NOVA1: variants seen among roughly 807,000 people sequenced by gnomAD.
NOVA1 encodes the protein NOVA alternative splicing regulator 1, also known as RNA-binding protein Nova-1.
A neutral mutation model predicts 38.0 loss-of-function variants in NOVA1; 7 were observed. The observed-to-expected ratio is 0.18, with a 90% confidence interval of 0.10 to 0.35. NOVA1 has a LOEUF of 0.35. Among genes scored for constraint, NOVA1 ranks in the 10% least tolerant of loss-of-function variants. NOVA1 has a pLI of 1.00. For missense variants in NOVA1, 460 were observed against 616.0 expected (o/e 0.75, Z 2.68); for synonymous variants, 270 against 232.5 (o/e 1.16, Z -1.47).
At chr14:26,508,240 G>T (rs1887790733) in intron 2 of NOVA1, among the ~76,000 whole-genome samples, 1 of 151,878 alleles carries the variant, frequency 6.6e-6, no homozygotes, top group South Asian at 2.1e-4. Flanking sequence ...TAACATTTTT[G>T]ATTTTTTAGA....
intron 2 of NOVA1, among the ~76,000 whole-genome samples, chr14:26,579,743 A>T (rs1468942264): frequency 1.3e-5 from 2 of 152,124 alleles, no homozygotes; most frequent in African/African-American, 2.4e-5. Context: ...GGAAAGGAAT[A>T]AAAAAAGTGG....
chr14:26,579,571 A>G (rs1566555446), intron 2 of NOVA1, among the ~76,000 whole-genome samples: 1 of 152,204 alleles, frequency 6.6e-6, no homozygotes, highest in Non-Finnish European at 1.5e-5. Context: ...TAAAATATTT[A>G]GTATGTAAGT....
chr14:26,534,084 G>A (rs902329424), intron 2 of NOVA1, among the ~76,000 whole-genome samples: 1 of 152,088 alleles, frequency 6.6e-6, no homozygotes, highest in Admixed American at 6.6e-5. Flanking sequence ...CTAATAACTA[G>A]CATAACTCTG....
chr14:26,518,032 ATC>A (rs1320808325), intron 2 of NOVA1, among the ~76,000 whole-genome samples: 1 of 152,170 alleles, frequency 6.6e-6, no homozygotes, highest in African/African-American at 2.4e-5. Flanking sequence ...CCAAATTTTA[ATC>A]TCTATCATAA....
intron 2 of NOVA1, among the ~76,000 whole-genome samples, chr14:26,502,716 ACAAT>A: frequency 6.6e-6 from 1 of 152,048 alleles, no homozygotes; most frequent in South Asian, 2.1e-4. Flanking sequence ...TCAAACATAA[ACAAT>A]TGGATTTTGT....
chr14:26,517,973 T>C (rs1594449722), intron 2 of NOVA1, among the ~76,000 whole-genome samples: 1 of 152,266 alleles, frequency 6.6e-6, no homozygotes, highest in East Asian at 1.9e-4. Context: ...AAACACCAAC[T>C]ATTCTGATGA....
At chr14:26,457,608 G>A (rs569650760) in intron 4 of NOVA1, among the ~76,000 whole-genome samples, 12 of 152,238 alleles carry the variant, frequency 7.9e-5, no homozygotes, top group Non-Finnish European at 1.6e-4. Context: ...ATTGTGTACA[G>A]TACATAAAAC....
chr14:26,468,884 AG>A (rs1884362286), intron 4 of NOVA1, among the ~76,000 whole-genome samples: 2 of 152,298 alleles, frequency 1.3e-5, no homozygotes, highest in Admixed American at 1.3e-4. Flanking sequence ...ATGAAATTTC[AG>A]AAAAATTCCA....
chr14:26,595,358 C>A (rs1894121920), intron 2 of NOVA1, 52 bp downstream of exon 2: 2 of 1,560,428 alleles, frequency 1.3e-6, no homozygotes, highest in East Asian at 4.5e-5. Context: ...ACAAGTAGAT[C>A]TTTCTTTCCT....
chr14:26,478,477 G>C (rs1185136133), intron 3 of NOVA1, among the ~76,000 whole-genome samples: 2 of 151,922 alleles, frequency 1.3e-5, no homozygotes, highest in African/African-American at 2.4e-5. Context: ...GATTAAGGCA[G>C]AAAGCCAATA....
chr14:26,458,326 G>A (rs1883348897), intron 4 of NOVA1, among the ~76,000 whole-genome samples: 1 of 151,960 alleles, frequency 6.6e-6, no homozygotes, highest in Admixed American at 6.6e-5. Flanking sequence ...TCACCACTGG[G>A]TATATATATA....
chr14:26,461,517 CCTA>C (rs1883668569), intron 4 of NOVA1, among the ~76,000 whole-genome samples: 2 of 152,014 alleles, frequency 1.3e-5, no homozygotes, highest in Non-Finnish European at 2.9e-5. Context: ...TAATAGACTA[CCTA>C]CACTACAGCA....
At chr14:26,496,294 T>C (rs1886773236) in intron 2 of NOVA1, among the ~76,000 whole-genome samples, 1 of 152,248 alleles carries the variant, frequency 6.6e-6, no homozygotes, top group Non-Finnish European at 1.5e-5. Context: ...ATAAATGTCT[T>C]CTTTTGAGAA....
chr14:26,533,702 C>T (rs1287549929), intron 2 of NOVA1, among the ~76,000 whole-genome samples: 2 of 152,012 alleles, frequency 1.3e-5, no homozygotes, highest in Admixed American at 6.6e-5. Flanking sequence ...ATGTCTCTAC[C>T]CTAAGAAAAT....
intron 2 of NOVA1, among the ~76,000 whole-genome samples, chr14:26,521,447 T>C (rs1888886819): frequency 6.6e-6 from 1 of 152,098 alleles, no homozygotes; most frequent in African/African-American, 2.4e-5. Flanking sequence ...TCTATTACAA[T>C]ATTGTTTGCC....
At chr14:26,546,470 G>T (rs1334429281) in intron 2 of NOVA1, among the ~76,000 whole-genome samples, 1 of 152,110 alleles carries the variant, frequency 6.6e-6, no homozygotes, top group African/African-American at 2.4e-5. Context: ...TTGTAAAACT[G>T]AGAACATCTG....
chr14:26,593,241 A>G (rs1893969989), intron 2 of NOVA1: 2 of 151,852 alleles, frequency 1.3e-5, no homozygotes, highest in Non-Finnish European at 1.5e-5. Context: ...CCTTACGTAC[A>G]TCTGAGTAAG....
chr14:26,552,371 A>G (rs1043067174), intron 2 of NOVA1, among the ~76,000 whole-genome samples: 2 of 152,314 alleles, frequency 1.3e-5, no homozygotes, highest in Middle Eastern at 3.4e-3. Flanking sequence ...TTATAAAAAA[A>G]TAATTCTAAC....
At chr14:26,449,854 T>C (rs1012782836) in intron 4 of NOVA1, among the ~76,000 whole-genome samples, 1 of 152,098 alleles carries the variant, frequency 6.6e-6, no homozygotes, top group Non-Finnish European at 1.5e-5. Flanking sequence ...TGACCACACA[T>C]AGACATCTTT....
Sources: allele counts gnomAD v4.1 joint callset (sites outside exome capture counted in the v4.1 genomes callset), GRCh38; gene constraint gnomAD v4.1.1; transcripts MANE v1.5; gene names NCBI Gene and HGNC (gene_info 2026-07-23, HGNC 2026-07-21).